TRIM14: variants seen among roughly 807,000 people sequenced by gnomAD.
The protein encoded by TRIM14 is tripartite motif-containing protein 14.
In TRIM14, 28 loss-of-function variants were observed where a neutral mutation model predicts 44.5. The ratio of observed to expected loss-of-function variants is 0.63; its 90% CI spans 0.47 to 0.86. The LOEUF (loss-of-function observed/expected upper bound fraction) is 0.86, where lower values mean the gene tolerates loss of function less well. TRIM14 is among the 40% of genes least tolerant of loss of function. The probability of loss-of-function intolerance (pLI) is 0.00; values close to 1 mark genes in which losing one functional copy is unlikely to be tolerated. For synonymous variants in TRIM14, 299 were observed against 269.2 expected, an observed-to-expected ratio of 1.11 and a Z score of -1.08; for missense variants, 607 against 611.1, an observed-to-expected ratio of 0.99 and a Z score of 0.07.
At chr9:98,037,399 A>G in the TRIM14 span, among the ~76,000 whole-genome samples, 2 of 152,142 alleles carry the variant, frequency 1.3e-5, no homozygotes, top group Admixed American at 1.3e-4. Flanking sequence ...CAAACAAAAA[A>G]AAGTGGGTGA....
At chr9:98,111,899 T>C (rs1471651031) in intron 1 of TRIM14, among the ~76,000 whole-genome samples, 2 of 152,076 alleles carry the variant, frequency 1.3e-5, no homozygotes, top group South Asian at 2.1e-4. Context: ...GATCACACCA[T>C]TGCACTCCAA....
chr9:98,040,840 A>G, the TRIM14 span, among the ~76,000 whole-genome samples: 1 of 152,130 alleles, frequency 6.6e-6, no homozygotes, highest in Non-Finnish European at 1.5e-5. Context: ...TATTTTTAGT[A>G]GAGAGGGGGT....
At chr9:98,060,520 A>T in the TRIM14 span, among the ~76,000 whole-genome samples, 2 of 152,128 alleles carry the variant, frequency 1.3e-5, no homozygotes, top group African/African-American at 4.8e-5. Flanking sequence ...AATAACAAAA[A>T]TTAGCCGGGT....
intron 3 of TRIM14, among the ~76,000 whole-genome samples, chr9:98,097,104 G>T (rs1826214194): frequency 6.6e-6 from 1 of 152,178 alleles, no homozygotes. Flanking sequence ...TGAGGCAGGA[G>T]AATCCCTTGA....
chr9:98,040,025 G>T, the TRIM14 span, among the ~76,000 whole-genome samples: 1 of 152,074 alleles, frequency 6.6e-6, no homozygotes, highest in Non-Finnish European at 1.5e-5. Context: ...TTTAGTTTTT[G>T]TAGAGACCAG....
the TRIM14 span, among the ~76,000 whole-genome samples, chr9:98,052,478 T>A: frequency 7.2e-6 from 1 of 138,544 alleles, no homozygotes; most frequent in African/African-American, 3.1e-5. Context: ...ACCATATAGC[T>A]CTTTTTTCTT....
the TRIM14 span, among the ~76,000 whole-genome samples, chr9:98,052,386 AAGAAG>A: frequency 1.3e-5 from 2 of 151,978 alleles, no homozygotes; most frequent in Non-Finnish European, 2.9e-5. Flanking sequence ...AATAAGATCC[AAGAAG>A]AGAAAAGAAA....
the TRIM14 span, among the ~76,000 whole-genome samples, chr9:98,043,889 G>T: frequency 3.9e-5 from 6 of 152,106 alleles, no homozygotes; most frequent in South Asian, 2.1e-4. Flanking sequence ...TGTGCACAAA[G>T]ACCATAATAT....
rs746738479 is a variant in TRIM14, at chr9:98,095,564, C to G, written c.538-535G>C. On this transcript the variant is annotated intron_variant, in intron 3 of 5. Transcript: ENST00000341469. The surrounding 1 kb of genome is among the most constrained non-coding windows in gnomAD (Gnocchi z 4.1). ...GTGCTGACTGAGGGGGTGTGGCCAC[C>G]GCAGGGGACATGTGTCCTGTTTTGC... Among the ~76,000 whole-genome samples, 1 of 152,194 alleles carries G rather than the reference C, an allele frequency of 6.6e-6. No homozygotes were observed. The highest frequency in any genetic ancestry group is 6.5e-5 in the Admixed American group (1 of 15,286).
chr9:98,091,849 C>T (rs1166577857), intron 5 of TRIM14, 60 bp downstream of exon 5: 2 of 1,203,278 alleles, frequency 1.7e-6, no homozygotes, highest in East Asian at 2.7e-5. Flanking sequence ...TGATCCTCCT[C>T]CACCCAACAT....
the TRIM14 span, among the ~76,000 whole-genome samples, chr9:98,053,802 A>AAAATAAATAAATAAATAAATAAAT: frequency 5.5e-4 from 81 of 146,452 alleles, no homozygotes; most frequent in African/African-American, 7.1e-4. Flanking sequence ...AGCCCACTAC[A>AAAATAAATAAATAAATAAATAAAT]AAATAAATAA....
At chr9:98,041,903 C>T in the TRIM14 span, among the ~76,000 whole-genome samples, 3 of 151,662 alleles carry the variant, frequency 2.0e-5, no homozygotes, top group African/African-American at 7.2e-5. Flanking sequence ...AGGCTGGTCT[C>T]GAACCCCTGA....
At chr9:98,080,912 G>A (rs142834890), downstream of TRIM14, 365 of 1,614,250 alleles carry the variant, frequency 2.3e-4, 1 homozygote, top group Middle Eastern at 1.8e-3. Flanking sequence ...GGGGGCCAAG[G>A]TGTTGGAACG....
the TRIM14 span, among the ~76,000 whole-genome samples, chr9:98,045,572 G>A: frequency 3.9e-5 from 6 of 152,086 alleles, no homozygotes; most frequent in African/African-American, 1.4e-4. Context: ...CCCTTTTTCT[G>A]TCGTAAACCT....
At chr9:98,083,201 C>A, downstream of TRIM14, 1 of 747,756 alleles carries the variant, frequency 1.3e-6, no homozygotes. Flanking sequence ...TGTTTCTGGG[C>A]TAGGCCCTGT....
intron 1 of TRIM14, among the ~76,000 whole-genome samples, 187 bp downstream of exon 1, chr9:98,118,795 C>G (rs1827141080): frequency 2.6e-5 from 4 of 152,212 alleles, no homozygotes; most frequent in Admixed American, 2.6e-4. Context: ...TCGCCTTTGC[C>G]CTTCCTTGGG....
chr9:98,056,733 C>A, the TRIM14 span: 1 of 1,545,118 alleles, frequency 6.5e-7, no homozygotes, highest in South Asian at 1.2e-5. Context: ...GCGTTGCTCA[C>A]AGAACAGAGT....
the TRIM14 span, among the ~76,000 whole-genome samples, chr9:98,059,152 T>C: frequency 6.6e-6 from 1 of 151,786 alleles, no homozygotes; most frequent in Non-Finnish European, 1.5e-5. Flanking sequence ...GCCTCCCGAG[T>C]AGCTGGGATT....
At position 98,087,460 on chromosome 9, in the gene TRIM14, G is replaced by GT. The variant is rs1564171624; in HGVS notation, c.*9dup. 6.2e-7 allele frequency: 1 copy of GT among 1,606,368 alleles called. No individual in the cohort carries two copies. The highest frequency in any genetic ancestry group is 8.5e-7 in the Non-Finnish European group (1 of 1,175,532). Reference sequence around the variant, plus strand: ...GGCGTACCTGGAGGCTGTCACGCCGGTCCTGGCCCCTAGGGCAGCCGGGGG... The same window carrying GT: ...GGCGTACCTGGAGGCTGTCACGCCGGTTCCTGGCCCCTAGGGCAGCCGGGGG... On this transcript the variant is annotated 3_prime_UTR_variant, in exon 6 of 6. Transcript: ENST00000341469.
Sources: gnomAD v4.1 joint callset for allele counts (sites outside exome capture counted in the v4.1 genomes callset) on GRCh38, gnomAD v4.1.1 for gene constraint, Gnocchi (gnomAD v3.1) non-coding constraint, MANE v1.5 for transcripts, NCBI Gene and HGNC (gene_info 2026-07-23, HGNC 2026-07-21) for gene names.